The following ADGB variants were observed in gnomAD, a reference collection of about 807,000 sequenced individuals.
The protein encoded by ADGB is calpain-7-like protein.
In ADGB, 172 loss-of-function variants were observed where a neutral mutation model predicts 210.5. The observed-to-expected ratio is 0.82, with a 90% CI of 0.72 to 0.93. The LOEUF (loss-of-function observed/expected upper bound fraction) is 0.93, where lower values mean the gene tolerates loss of function less well. Among genes scored for constraint, ADGB ranks in the 40% least tolerant of loss-of-function variants. ADGB has a pLI of 0.00. For synonymous variants in ADGB, 658 were observed against 662.7 expected (o/e 0.99, Z 0.11); for missense variants, 2,025 against 1,964.8 (o/e 1.03, Z -0.58).
chr6:146,610,336 T>C (rs191694398), intron 1 of ADGB, among the ~76,000 whole-genome samples: 5 of 152,324 alleles, frequency 3.3e-5, no homozygotes, highest in Admixed American at 1.3e-4. Context: ...ATTCTATGTC[T>C]GTCATTTCAG....
In ADGB at chr6:146,785,761, T is replaced by A. The variant is rs771386506; in HGVS notation, c.4315+49T>A. 5.3e-6 allele frequency: 7 copies of A among 1,318,520 alleles called. No individual in the cohort carries two copies. In the South Asian group the frequency reaches 9.1e-5, roughly 17 times the overall value. The allele number at this position is 1,318,520 out of a possible 1,614,324, so 81.7% of individuals were successfully genotyped here. A position where few individuals can be genotyped will look rare whatever the true frequency, so the allele number is the denominator to read the frequency against. On this transcript the variant is annotated intron_variant, in intron 32 of 35. Coordinates refer to ENST00000397944, the MANE Select transcript of ADGB (RefSeq NM_024694.4). Reference sequence around the variant, plus strand: ...CTGCCTCAGAGCACAGAGCTGTGATTTGCACTTCTTAAAAAAATAATCAGT... The same window carrying A: ...CTGCCTCAGAGCACAGAGCTGTGATATGCACTTCTTAAAAAAATAATCAGT...
chr6:146,726,959 C>T (rs77546812), intron 19 of ADGB, among the ~76,000 whole-genome samples: 1,753 of 152,138 alleles, frequency 0.012, 27 homozygotes, highest in African/African-American at 0.04. Flanking sequence ...TCACCTTCAT[C>T]TCTTCTCATT....
At chr6:146,773,061 G>A (rs1777674542) in intron 29 of ADGB, among the ~76,000 whole-genome samples, 1 of 152,074 alleles carries the variant, frequency 6.6e-6, no homozygotes, top group Non-Finnish European at 1.5e-5. Flanking sequence ...GCAACAAGGA[G>A]AGTATCTGCA....
chr6:146,743,274 A>G (rs757876977), intron 25 of ADGB, among the ~76,000 whole-genome samples: 1 of 152,222 alleles, frequency 6.6e-6, no homozygotes, highest in Non-Finnish European at 1.5e-5. Context: ...GTATTACTAG[A>G]TAAATATACT....
At chr6:146,741,014 T>C (rs1777156930) in intron 24 of ADGB, 104 bp from the exon 25 acceptor site, 1 of 855,010 alleles carries the variant, frequency 1.2e-6, no homozygotes, top group Non-Finnish European at 1.7e-6. Flanking sequence ...CTTTTAGTTA[T>C]TTGGAACTTT....
At chr6:146,777,656 A>C (rs1365979427) in intron 29 of ADGB, among the ~76,000 whole-genome samples, 2 of 152,212 alleles carry the variant, frequency 1.3e-5, no homozygotes, top group Non-Finnish European at 2.9e-5. Context: ...GACACAGGCT[A>C]AAGTTTGAGA....
At chr6:146,762,156 T>G (rs199754281) in intron 27 of ADGB, among the ~76,000 whole-genome samples, 3 of 151,558 alleles carry the variant, frequency 2.0e-5, no homozygotes, top group East Asian at 1.9e-4. Flanking sequence ...CATATTTTTT[T>G]GGGGGGGTCA....
chr6:146,609,660 C>T (rs1210084974), intron 1 of ADGB, among the ~76,000 whole-genome samples: 1 of 152,190 alleles, frequency 6.6e-6, no homozygotes, highest in Non-Finnish European at 1.5e-5. Context: ...ATTCCCTTAG[C>T]ATATGCTTGT....
Position 146,784,722 on chromosome 6 carries a change from T to C in ADGB, c.4140T>C (p.Asp1380=). Residue 1380 remains aspartate (D), a synonymous_variant, in exon 31 of 36, where the codon GAT becomes GAC. Coordinates refer to ENST00000397944, the MANE Select transcript of ADGB (RefSeq NM_024694.4). The part of the protein sequence containing the change: ...NESELFEVKK[D]TERADEIRAM... ...CAGAATTATTTGAAGTGAAAAAGGA[T>C]ACAGAAAGGGCAGATGAAATCCGAG... is the stretch of plus-strand genomic sequence containing the variant. 1.3e-6 allele frequency: 2 copies of C among 1,551,130 alleles called. No homozygotes were observed. Among genetic ancestry groups the C allele is most frequent in the Non-Finnish European group, 1.7e-6 (2 of 1,146,730 alleles).
chr6:146,752,586 A>G lies in ADGB; in HGVS notation c.3422A>G (p.Lys1141Arg), dbSNP rs946005563. ...GCTACAATACAGGTACGCACATCCAAACCAGATGCATTCATCAAGCTGCAG... is the reference window on the plus strand; with the variant it reads ...GCTACAATACAGGTACGCACATCCAGACCAGATGCATTCATCAAGCTGCAG... ...QPATIQVRTS[K>R]PDAFIKLQVL... The change falls in exon 27 of 36, where the codon AAA (lysine) becomes AGA (arginine). Residue 1141 changes from lysine to arginine, a missense_variant. Lys to Arg is a conservative substitution (Grantham distance 26). Coordinates refer to ENST00000397944, the MANE Select transcript of ADGB (RefSeq NM_024694.4). 14 of 1,550,726 alleles carry G rather than the reference A, an allele frequency of 9.0e-6. No homozygotes were observed. The Admixed American group carries it at 2.7e-4, about 30-fold the overall frequency.
intron 1 of ADGB, among the ~76,000 whole-genome samples, chr6:146,631,912 T>C (rs762114006): frequency 1.3e-4 from 19 of 151,926 alleles, no homozygotes; most frequent in Non-Finnish European, 2.5e-4. Context: ...GTTTTCACTT[T>C]ATCATTCTTG....
rs1583653175 is a variant in ADGB, at chr6:146,814,035, CTCTT to C, written c.4819-993_4819-990del. On this transcript the variant is annotated intron_variant, in intron 35 of 35. Coordinates refer to ENST00000397944, the MANE Select transcript of ADGB (RefSeq NM_024694.4). ...TCTCTCTCCTGCTCATTCTCTTGCT[CTCTT>C]TCTAATATGTCACTACTATCATCTT... 3.3e-5 allele frequency among the ~76,000 whole-genome samples: 5 copies of C among 152,300 alleles called. No individual in the cohort carries two copies. The East Asian group carries it at 9.6e-4, about 29-fold the overall frequency.
chr6:146,805,431 T>C (rs888967570), intron 35 of ADGB, among the ~76,000 whole-genome samples: 27 of 152,200 alleles, frequency 1.8e-4, no homozygotes, highest in African/African-American at 6.5e-4. Context: ...ACGAGGTACC[T>C]GGAAGATAAC....
chr6:146,647,457 A>G (rs1171505606), intron 3 of ADGB, among the ~76,000 whole-genome samples: 1 of 152,130 alleles, frequency 6.6e-6, no homozygotes, highest in Non-Finnish European at 1.5e-5. Flanking sequence ...AATCAGACAC[A>G]GGAAGAGTGT....
chr6:146,667,541 C>A (rs916829572), intron 7 of ADGB, among the ~76,000 whole-genome samples: 3 of 151,896 alleles, frequency 2.0e-5, no homozygotes, highest in Non-Finnish European at 2.9e-5. Flanking sequence ...GCTCAGCAGT[C>A]CTTCATATTT....
At chr6:146,721,573 C>T (rs1776815655) in intron 17 of ADGB, 68 bp downstream of exon 17, 6 of 265,402 alleles carry the variant, frequency 2.3e-5, no homozygotes, top group Non-Finnish European at 3.4e-5. Context: ...CGTGGTGGCT[C>T]ACGCCTGTAA....
chr6:146,664,140 T>C (rs1775904615), intron 5 of ADGB, 61 bp from the exon 6 acceptor site: 1 of 1,438,272 alleles, frequency 7.0e-7, no homozygotes, highest in African/African-American at 1.4e-5. Context: ...CGTGCAATCA[T>C]TTACGAGAGA....
intron 33 of ADGB, among the ~76,000 whole-genome samples, chr6:146,791,921 CTTT>C (rs66891404): frequency 2.5e-4 from 28 of 112,464 alleles, no homozygotes; most frequent in South Asian, 3.1e-4. Context: ...CTGCACCTTG[CTTT>C]TTTTTTTTTT....
At chr6:146,634,880 G>A (rs1485850075) in intron 1 of ADGB, among the ~76,000 whole-genome samples, 3 of 151,834 alleles carry the variant, frequency 2.0e-5, no homozygotes, top group Non-Finnish European at 4.4e-5. Flanking sequence ...TATACAAGAC[G>A]ATCTTATACA....
Sources: allele counts gnomAD v4.1 joint callset (sites outside exome capture counted in the v4.1 genomes callset), GRCh38; gene constraint gnomAD v4.1.1; transcripts MANE v1.5; gene names NCBI Gene and HGNC (gene_info 2026-07-23, HGNC 2026-07-21).